NLRP1: variants seen among roughly 807,000 people sequenced by gnomAD.
NLRP1 encodes NLR family pyrin domain containing 1, also known as NACHT, LRR and PYD domains-containing protein 1.
In NLRP1, 94 loss-of-function variants were observed where a neutral mutation model predicts 136.7. The ratio of observed to expected loss-of-function variants is 0.69; its 90% CI spans 0.58 to 0.82. The LOEUF (loss-of-function observed/expected upper bound fraction) is 0.82. NLRP1 is among the 40% of genes least tolerant of loss of function. The pLI is 0.00. For missense variants in NLRP1, 1,575 were observed against 1,802.7 expected, an observed-to-expected ratio of 0.87 and a Z score of 2.29; for synonymous variants, 690 against 725.1, an observed-to-expected ratio of 0.95 and a Z score of 0.78.
chr17:5,517,535 G>A (rs1421840676), intron 15 of NLRP1, among the ~76,000 whole-genome samples: 1 of 152,012 alleles, frequency 6.6e-6, no homozygotes, highest in African/African-American at 2.4e-5. Context: ...CTACAGGCAC[G>A]CGCTACCACG....
rs554052255 is a variant in NLRP1, at chr17:5,537,566, A to G, written c.2871-626T>C. Among the ~76,000 whole-genome samples, 1 of 152,210 alleles carries G rather than the reference A, an allele frequency of 6.6e-6. No individual in the cohort carries two copies. Among genetic ancestry groups the G allele is most frequent in the East Asian group, 1.9e-4 (1 of 5,172 alleles). On this transcript the variant is annotated intron_variant, in intron 7 of 16. Coordinates refer to ENST00000572272, the MANE Select transcript of NLRP1 (RefSeq NM_033004.4). The surrounding 1 kb of genome is among the most constrained non-coding windows in gnomAD (Gnocchi z 4.5). ...TCCATCTACCACGTAGGATGAATCA[A>G]TCCTGCCCTGCCTGTTCTGAGGCCC...
intron 3 of NLRP1, among the ~76,000 whole-genome samples, chr17:5,561,987 G>T (rs900286782): frequency 2.6e-5 from 4 of 152,204 alleles, no homozygotes; most frequent in Non-Finnish European, 5.9e-5. Flanking sequence ...TAGCCATGCA[G>T]GCCATGTCTG....
chr17:5,568,448 G>A (rs1450267392), intron 3 of NLRP1, among the ~76,000 whole-genome samples: 1 of 152,032 alleles, frequency 6.6e-6, no homozygotes, highest in African/African-American at 2.4e-5. Flanking sequence ...TTATCTGCTA[G>A]AATTCTGAAT....
downstream of NLRP1, among the ~76,000 whole-genome samples, chr17:5,511,731 T>C (rs1228726150): frequency 1.8e-5 from 2 of 112,094 alleles, no homozygotes; most frequent in African/African-American, 3.6e-5. Flanking sequence ...TCCTTCCTTC[T>C]TTCCCTCCCT....
At position 5,559,993 on chromosome 17, in the gene NLRP1, C is replaced by T. The variant is rs200696391; in HGVS notation, c.703G>A (p.Ala235Thr). ...TGTGGGGGCGTTCCTACCACCGCTG[C>T]CCATGGGGGCCTGCCTTTCTCTGAT... ...EKSEKGRPPW[A>T]AVVGTPPQAH... is the part of the protein sequence containing the mutation. Residue 235 changes from alanine (A) to threonine (T), a missense_variant, in exon 4 of 17, where the codon GCA (alanine) becomes ACA (threonine). Physicochemically the swap from Ala to Thr is moderately conservative, Grantham distance 58. Coordinates refer to ENST00000572272, the MANE Select transcript of NLRP1 (RefSeq NM_033004.4). 2 of 1,595,552 alleles carry T rather than the reference C, an allele frequency of 1.3e-6. No individual in the cohort carries two copies. The highest frequency in any genetic ancestry group is 1.7e-6 in the Non-Finnish European group (2 of 1,172,338).
chr17:5,560,192 T>C lies in NLRP1; in HGVS notation c.653-149A>G, dbSNP rs529411812. 8.5e-5 allele frequency: 63 copies of C among 740,276 alleles called. No homozygotes were observed. In the Admixed American group the frequency reaches 1.5e-3, roughly 18 times the overall value. The allele number at this position is 740,276 out of a possible 1,614,324, so 45.9% of individuals were successfully genotyped here. On this transcript the variant is annotated intron_variant, in intron 3 of 16. Transcript: ENST00000572272. Reference sequence around the variant, plus strand: ...GTTCTTGCCATGCGGCGGAAGGACATGTGCTTTGGGGTAGAATATCCCAGT... The same window carrying C: ...GTTCTTGCCATGCGGCGGAAGGACACGTGCTTTGGGGTAGAATATCCCAGT...
rs144075375 is a variant in NLRP1, at chr17:5,520,711, T to G, written c.3915+170A>C. 9.1e-3 allele frequency among the ~76,000 whole-genome samples: 1,393 copies of G among 152,276 alleles called. 10 individuals are homozygous for G. Among genetic ancestry groups the G allele is most frequent in the Middle Eastern group, 0.034 (10 of 294 alleles). On this transcript the variant is annotated intron_variant, in intron 14 of 16. Coordinates refer to ENST00000572272, the MANE Select transcript of NLRP1 (RefSeq NM_033004.4). ...GCATGTGATCCTCCCTCCTCCGAAC[T>G]TTCTTTCTCCTAGTCTTGGAAGCAT...
rs141929283 is a variant in NLRP1 at position 5,528,202 on chromosome 17, C to A, written c.3520+2279G>T. On this transcript the variant is annotated intron_variant, in intron 12 of 16. Coordinates refer to ENST00000572272, the MANE Select transcript of NLRP1 (RefSeq NM_033004.4). Reference sequence around the variant, plus strand: ...AGGCCCCTCTCTTCTTGATAGAGTACCTGGGGATCCCTGGCCACGGTCTCA... The same window carrying A: ...AGGCCCCTCTCTTCTTGATAGAGTAACTGGGGATCCCTGGCCACGGTCTCA... Among the ~76,000 whole-genome samples, 599 of 152,300 alleles carry A rather than the reference C, an allele frequency of 3.9e-3. 6 individuals are homozygous for A. The highest frequency in any genetic ancestry group is 0.034 in the Middle Eastern group (10 of 294).
Position 5,551,779 on chromosome 17 carries a change from A to G in NLRP1, c.2528+1607T>C, listed in dbSNP as rs1381289012. 3.3e-5 allele frequency among the ~76,000 whole-genome samples: 5 copies of G among 151,962 alleles called. No homozygotes were observed. In the South Asian group the frequency reaches 6.2e-4, roughly 19 times the overall value. Reference sequence around the variant, plus strand: ...TCATTAATTAAAAAAATTTTGAGTAATTTTTTTAGAGATAAGGTCTGTCTC... The same window carrying G: ...TCATTAATTAAAAAAATTTTGAGTAGTTTTTTTAGAGATAAGGTCTGTCTC... On this transcript the variant is annotated intron_variant, in intron 5 of 16. Coordinates refer to ENST00000572272, the MANE Select transcript of NLRP1 (RefSeq NM_033004.4).
intron 4 of NLRP1, 58 bp from the exon 5 acceptor site, chr17:5,553,614 G>A: frequency 6.7e-7 from 1 of 1,488,206 alleles, no homozygotes; most frequent in South Asian, 1.2e-5. Context: ...GGTTTGAGGT[G>A]CCCAGCCCTG....
intron 6 of NLRP1, among the ~76,000 whole-genome samples, chr17:5,540,614 T>G (rs1911747406): frequency 6.6e-6 from 1 of 152,200 alleles, no homozygotes; most frequent in South Asian, 2.1e-4. Context: ...CTATGTGGCC[T>G]TGGGAAAATA....
intron 4 of NLRP1, among the ~76,000 whole-genome samples, chr17:5,554,585 G>A (rs574858002): frequency 2.1e-4 from 32 of 152,282 alleles, no homozygotes; most frequent in Middle Eastern, 3.4e-3. Flanking sequence ...CCCTCACTCC[G>A]TCTCCTCCGC....
At chr17:5,545,414 A>G (rs1322967873) in intron 5 of NLRP1, among the ~76,000 whole-genome samples, 1 of 150,344 alleles carries the variant, frequency 6.7e-6, no homozygotes, top group Non-Finnish European at 1.5e-5. Context: ...ACACACACAC[A>G]TACACAGACA....
At chr17:5,545,337 G>C (rs56098324) in intron 5 of NLRP1, among the ~76,000 whole-genome samples, 5 of 147,738 alleles carry the variant, frequency 3.4e-5, no homozygotes, top group East Asian at 2.0e-4. Context: ...CAGACACACA[G>C]ACACACACAC....
At chr17:5,521,444 C>T in intron 13 of NLRP1, 80 bp downstream of exon 13, 1 of 1,469,180 alleles carries the variant, frequency 6.8e-7, no homozygotes. Context: ...CAGTTGAAGA[C>T]CCTCTAGGGG....
chr17:5,501,470 A>G (rs202124890), exon 16 of NLRP1: 1 of 190,742 alleles, frequency 5.2e-6, no homozygotes, highest in African/African-American at 2.3e-5. Flanking sequence ...AGAAATTGAG[A>G]AAACAGTGTA....
chr17:5,511,427 C>T (rs972387868), downstream of NLRP1, among the ~76,000 whole-genome samples: 4 of 143,608 alleles, frequency 2.8e-5, no homozygotes, highest in Non-Finnish European at 4.5e-5. Context: ...GGCGACAGAG[C>T]GAGCCTCCGT....
Position 5,559,745 on chromosome 17 carries a change from T to C in NLRP1, c.951A>G (p.Leu317=). ...NRGHLIEIRD[L]FGPGLDTQEP... ...CTTGGGTATCCAGGCCTGGGCCAAATAAGTCTCTGATCTCAATTAAATGTC... is the reference window on the plus strand; with the variant it reads ...CTTGGGTATCCAGGCCTGGGCCAAACAAGTCTCTGATCTCAATTAAATGTC... Residue 317 remains leucine (L), a synonymous_variant, in exon 4 of 17, where the codon TTA becomes TTG. Coordinates refer to ENST00000572272, the MANE Select transcript of NLRP1 (RefSeq NM_033004.4). 1 of 1,614,250 alleles carries C rather than the reference T, an allele frequency of 6.2e-7. No homozygotes were observed. The highest frequency in any genetic ancestry group is 8.5e-7 in the Non-Finnish European group (1 of 1,180,048).
rs376575588 is a variant in NLRP1, at chr17:5,583,659, C to T, written c.271+28G>A. 1.5e-5 allele frequency: 23 copies of T among 1,543,614 alleles called. No individual in the cohort carries two copies. Among genetic ancestry groups the T allele is most frequent in the Middle Eastern group, 2.3e-4 (1 of 4,372 alleles). On this transcript the variant is annotated intron_variant, in intron 1 of 16. Transcript: ENST00000572272. The surrounding 1 kb of genome is among the most constrained non-coding windows in gnomAD (Gnocchi z 4.5). ...GGCATGAGGGCCAGGGGATGTCCCG[C>T]GGGCAGTGGGGTCCTCTGTCCACTC...
Sources: gnomAD v4.1 joint callset for allele counts (sites outside exome capture counted in the v4.1 genomes callset) on GRCh38, gnomAD v4.1.1 for gene constraint, Gnocchi (gnomAD v3.1) non-coding constraint, MANE v1.5 for transcripts, NCBI Gene and HGNC (gene_info 2026-07-23, HGNC 2026-07-21) for gene names.